Variants in ANK2 observed in about 807,000 individuals in gnomAD.
ANK2 encodes ankyrin-2.
A neutral mutation model predicts 360.5 loss-of-function variants in ANK2; 83 were observed. The ratio of observed to expected loss-of-function variants is 0.23; its 90% CI spans 0.19 to 0.28. The LOEUF (loss-of-function observed/expected upper bound fraction) is 0.28. ANK2 is among the 10% of genes least tolerant of loss of function. The probability of loss-of-function intolerance (pLI) is 1.00; values close to 1 mark genes in which losing one functional copy is unlikely to be tolerated. For missense variants in ANK2, 4,201 were observed against 4,795.7 expected, an observed-to-expected ratio of 0.88 and a Z score of 3.66; for synonymous variants, 1,740 against 1,759.5, an observed-to-expected ratio of 0.99 and a Z score of 0.28.
intron 2 of ANK2, among the ~76,000 whole-genome samples, chr4:112,907,177 G>A (rs1447250835): frequency 6.6e-6 from 1 of 152,168 alleles, no homozygotes; most frequent in African/African-American, 2.4e-5. Flanking sequence ...TTGGACAGTA[G>A]AGTTAGACTG....
chr4:113,363,577 G>T, intron 40 of ANK2, 108 bp downstream of exon 40: 1 of 1,179,806 alleles, frequency 8.5e-7, no homozygotes, highest in South Asian at 1.2e-5. Context: ...CCATTAATCT[G>T]CAGTACAGTG....
At chr4:113,336,287 TC>T (rs1386936432) in intron 30 of ANK2, 1 of 557,102 alleles carries the variant, frequency 1.8e-6, no homozygotes, top group Non-Finnish European at 3.0e-6. Flanking sequence ...AATGTTTTCT[TC>T]TTGTAAAAAA....
chr4:113,286,353 C>CA (rs2064581150), intron 18 of ANK2, among the ~76,000 whole-genome samples: 1 of 152,116 alleles, frequency 6.6e-6, no homozygotes, highest in Non-Finnish European at 1.5e-5. Flanking sequence ...TTACGAAACT[C>CA]AAAGTTGAGC....
At chr4:112,726,863 A>G in the ANK2 span, among the ~76,000 whole-genome samples, 1 of 151,572 alleles carries the variant, frequency 6.6e-6, no homozygotes, top group South Asian at 2.1e-4. Context: ...AAAAAAAAAA[A>G]AAAAAAAGAA....
At chr4:113,002,776 C>G (rs1283062769) in intron 2 of ANK2, among the ~76,000 whole-genome samples, 1 of 152,224 alleles carries the variant, frequency 6.6e-6, no homozygotes, top group East Asian at 1.9e-4. Context: ...ACATAAAGCT[C>G]TCTTGTGAGT....
intron 2 of ANK2, among the ~76,000 whole-genome samples, chr4:112,926,290 T>G (rs1170382683): frequency 1.3e-5 from 2 of 152,170 alleles, no homozygotes; most frequent in Non-Finnish European, 2.9e-5. Context: ...TGTTGTTCAT[T>G]CTCTGAAGAG....
intron 1 of ANK2, among the ~76,000 whole-genome samples, chr4:112,864,781 C>T (rs1450922164): frequency 6.6e-6 from 1 of 150,996 alleles, no homozygotes; most frequent in Non-Finnish European, 1.5e-5. Flanking sequence ...GCCTGTAATA[C>T]TAGCACTTTG....
intron 2 of ANK2, among the ~76,000 whole-genome samples, chr4:112,984,722 T>A (rs1485890966): frequency 6.6e-6 from 1 of 151,962 alleles, no homozygotes; most frequent in Non-Finnish European, 1.5e-5. Flanking sequence ...ATTTACCCAA[T>A]CATGAGAGGT....
At position 113,196,379 on chromosome 4, in the gene ANK2, C is replaced by T. The variant is rs146964054; in HGVS notation, c.198C>T (p.Asn66=). The T allele has an allele frequency of 1.7e-4, 269 of 1,613,426 alleles. No individual in the cohort carries two copies. Among genetic ancestry groups the T allele is most frequent in the African/African-American group, 1.5e-3 (114 of 75,020 alleles). Residue 66 remains asparagine, a synonymous_variant, in exon 3 of 46, where the codon AAC becomes AAT. Coordinates refer to ENST00000357077, the MANE Select transcript of ANK2 (RefSeq NM_001148.6). ...DINTCNQNGL[N]ALHLAAKEGH... ...GTTTCTTCTCTCAGAATGGACTCAA[C>T]GCTCTCCATCTGGCTGCCAAGGAAG...
chr4:113,017,213 T>C (rs1368551271), intron 2 of ANK2, among the ~76,000 whole-genome samples: 1 of 152,184 alleles, frequency 6.6e-6, no homozygotes, highest in Non-Finnish European at 1.5e-5. Flanking sequence ...CATATGAAAA[T>C]TATTTTATAT....
chr4:113,130,880 A>C (rs2095981594), intron 1 of ANK2, among the ~76,000 whole-genome samples: 1 of 152,216 alleles, frequency 6.6e-6, no homozygotes, highest in African/African-American at 2.4e-5. Context: ...CATAGATTGT[A>C]CCAATGCATA....
intron 1 of ANK2, among the ~76,000 whole-genome samples, chr4:113,110,954 ATTTTGAAAAATAAGAAAATAT>A (rs1384325483): frequency 6.6e-6 from 1 of 152,168 alleles, no homozygotes; most frequent in Non-Finnish European, 1.5e-5. Flanking sequence ...TCTATTGTTA[ATTTTGAAAAATAAGAAAATAT>A]TTTTGCTAAT....
the ANK2 span, among the ~76,000 whole-genome samples, chr4:112,746,190 A>C: frequency 2.0e-5 from 3 of 152,204 alleles, no homozygotes; most frequent in Non-Finnish European, 4.4e-5. Context: ...TTGATCATCA[A>C]AATGTACAAG....
At chr4:113,060,866 A>G (rs1021127478) in intron 1 of ANK2, among the ~76,000 whole-genome samples, 6 of 152,038 alleles carry the variant, frequency 3.9e-5, no homozygotes, top group Admixed American at 6.6e-5. Context: ...TGGTATTTCC[A>G]TCTGCACTTC....
intron 2 of ANK2, among the ~76,000 whole-genome samples, chr4:113,191,143 C>G (rs2098655889): frequency 6.6e-6 from 1 of 152,130 alleles, no homozygotes; most frequent in Non-Finnish European, 1.5e-5. Flanking sequence ...AGTTTGAGAC[C>G]ATCCTGGCCA....
chr4:112,946,324 G>A (rs1053988293), intron 2 of ANK2, among the ~76,000 whole-genome samples: 1 of 152,208 alleles, frequency 6.6e-6, no homozygotes, highest in Admixed American at 6.5e-5. Flanking sequence ...GAGCACTGGG[G>A]AGTGAGCAAG....
At chr4:113,109,024 G>C (rs2093985823) in intron 1 of ANK2, among the ~76,000 whole-genome samples, 1 of 151,710 alleles carries the variant, frequency 6.6e-6, no homozygotes, top group Non-Finnish European at 1.5e-5. Flanking sequence ...AGTACATATT[G>C]TTTCTGCCAT....
At chr4:113,144,152 T>C (rs115922619) in intron 1 of ANK2, among the ~76,000 whole-genome samples, 73 of 152,310 alleles carry the variant, frequency 4.8e-4, no homozygotes, top group African/African-American at 1.6e-3. Flanking sequence ...CCTTCACCTA[T>C]AGCTGGGAAG....
At chr4:112,752,773 C>T in the ANK2 span, among the ~76,000 whole-genome samples, 1 of 152,140 alleles carries the variant, frequency 6.6e-6, no homozygotes, top group Admixed American at 6.6e-5. Context: ...TCAAATGATC[C>T]TCCTGTCTCA....
Sources: gnomAD v4.1 joint callset for allele counts (sites outside exome capture counted in the v4.1 genomes callset) on GRCh38, gnomAD v4.1.1 for gene constraint, MANE v1.5 for transcripts, NCBI Gene and HGNC (gene_info 2026-07-23, HGNC 2026-07-21) for gene names.